The following PRKCH variants were observed in gnomAD, a reference collection of about 807,000 sequenced individuals.
PRKCH encodes the protein protein kinase C eta type.
A neutral mutation model predicts 82.5 loss-of-function variants in PRKCH; 28 were observed. That is an observed-to-expected ratio of 0.34 (90% CI 0.25 to 0.47). The LOEUF is 0.47. Ranked by LOEUF, PRKCH falls within the 20% of genes least tolerant of loss-of-function variation. The pLI, the probability that PRKCH is intolerant of heterozygous loss-of-function variation, is 1.00. For synonymous variants in PRKCH, 322 were observed against 327.4 expected (o/e 0.98, Z 0.18); for missense variants, 705 against 881.8 (o/e 0.80, Z 2.54).
chr14:61,226,458 G>A (rs1190124088), intron 1 of PRKCH, among the ~76,000 whole-genome samples: 1 of 152,152 alleles, frequency 6.6e-6, no homozygotes, highest in Non-Finnish European at 1.5e-5. Flanking sequence ...GTTGTGGGTC[G>A]ATTACATTAA....
intron 2 of PRKCH, among the ~76,000 whole-genome samples, chr14:61,437,182 G>A (rs557854742): frequency 6.6e-6 from 1 of 152,220 alleles, no homozygotes; most frequent in South Asian, 2.1e-4. Flanking sequence ...TTTATCACGC[G>A]TCCTAATCTC....
intron 2 of PRKCH, among the ~76,000 whole-genome samples, chr14:61,395,944 G>T (rs746458982): frequency 3.3e-5 from 5 of 152,052 alleles, no homozygotes; most frequent in African/African-American, 4.8e-5. Flanking sequence ...ACCAGGTGTG[G>T]TGGTGCACAC....
rs79674428 is a variant in PRKCH at position 61,419,180 on chromosome 14, C to A, written c.428-23931C>A. Among the ~76,000 whole-genome samples the A allele has an allele frequency of 9.3e-3, 1,411 of 152,318 alleles. 17 individuals carry two copies. Among genetic ancestry groups the A allele is most frequent in the African/African-American group, 0.032 (1,336 of 41,560 alleles). On this transcript the variant is annotated intron_variant, in intron 2 of 13. Transcript: ENST00000332981. ...ATTATAGGAATTTAAAAGCAAATGTCTGATGTGAAAATCTATGCTATTTTA... is the reference window on the plus strand; with the variant it reads ...ATTATAGGAATTTAAAAGCAAATGTATGATGTGAAAATCTATGCTATTTTA...
At chr14:61,228,052 A>T (rs1159539979) in intron 1 of PRKCH, among the ~76,000 whole-genome samples, 2 of 152,138 alleles carry the variant, frequency 1.3e-5, no homozygotes, top group Non-Finnish European at 2.9e-5. Flanking sequence ...ATCCATTTAC[A>T]TTGTCCCAAA....
At chr14:61,378,010 T>G (rs1014505048) in intron 1 of PRKCH, among the ~76,000 whole-genome samples, 10 of 152,208 alleles carry the variant, frequency 6.6e-5, no homozygotes, top group African/African-American at 1.9e-4. Flanking sequence ...CTCTTACTCC[T>G]GTATGGACAT....
chr14:61,242,632 A>C (rs921102026), intron 1 of PRKCH, among the ~76,000 whole-genome samples: 12 of 152,088 alleles, frequency 7.9e-5, no homozygotes, highest in African/African-American at 2.7e-4. Flanking sequence ...TCCTGACCTC[A>C]GGTGATCCCC....
chr14:61,459,463 G>C (rs1342969323), intron 9 of PRKCH, among the ~76,000 whole-genome samples: 1 of 152,210 alleles, frequency 6.6e-6, no homozygotes, highest in East Asian at 1.9e-4. Context: ...AGCATATCGA[G>C]GTTGAACAGG....
chr14:61,401,978 A>G (rs1375058598), intron 2 of PRKCH, among the ~76,000 whole-genome samples: 1 of 152,244 alleles, frequency 6.6e-6, no homozygotes, highest in African/African-American at 2.4e-5. Flanking sequence ...AGGGAAAACA[A>G]CTGTAAGTAT....
At chr14:61,327,210 G>A (rs1217745394) in intron 1 of PRKCH, 1 of 435,374 alleles carries the variant, frequency 2.3e-6, no homozygotes, top group South Asian at 1.6e-5. Context: ...GTCCTGTCAG[G>A]TGAAGCAGCC....
At chr14:61,490,683 G>A (rs1886415016) in intron 10 of PRKCH, among the ~76,000 whole-genome samples, 1 of 152,192 alleles carries the variant, frequency 6.6e-6, no homozygotes, top group African/African-American at 2.4e-5. Context: ...TGAGGCCAAG[G>A]TGGGCAGATC....
intron 10 of PRKCH, among the ~76,000 whole-genome samples, chr14:61,490,739 C>A (rs761762957): frequency 2.6e-5 from 4 of 152,086 alleles, no homozygotes; most frequent in Non-Finnish European, 5.9e-5. Flanking sequence ...CATAAGGAGA[C>A]CCTGTCTCTA....
chr14:61,515,782 C>T (rs912905673), intron 10 of PRKCH, among the ~76,000 whole-genome samples: 1 of 152,118 alleles, frequency 6.6e-6, no homozygotes, highest in Non-Finnish European at 1.5e-5. Context: ...ATTTACGAAG[C>T]TTGTTTTTAC....
At position 61,451,999 on chromosome 14, in the gene PRKCH, G is replaced by A. The variant is rs78151460; in HGVS notation, c.832+1028G>A. Among the ~76,000 whole-genome samples, 7 of 152,300 alleles carry A rather than the reference G, an allele frequency of 4.6e-5. No individual in the cohort carries two copies. The East Asian group carries it at 9.7e-4, about 21-fold the overall frequency. ...GGTCCAGGTGCAGCTTGATCTTAGC[G>A]TGACGGTCTCACCTGGGTATGGGTT... On this transcript the variant is annotated intron_variant, in intron 6 of 13. Coordinates refer to ENST00000332981, the MANE Select transcript of PRKCH (RefSeq NM_006255.5).
At chr14:61,512,495 C>T (rs59857866) in intron 10 of PRKCH, among the ~76,000 whole-genome samples, 4,252 of 152,182 alleles carry the variant, frequency 0.028, 216 homozygotes, top group East Asian at 0.26. Flanking sequence ...ATGGGAATTG[C>T]ATTCTTTGAT....
chr14:61,508,504 C>T (rs1959279), intron 10 of PRKCH, among the ~76,000 whole-genome samples: 115,034 of 152,034 alleles, frequency 0.76, 45,935 homozygotes, highest in Admixed American at 0.87. Flanking sequence ...AGACAGAGTC[C>T]TGATAGTTGG....
At chr14:61,424,742 A>T (rs1883022401) in intron 2 of PRKCH, among the ~76,000 whole-genome samples, 2 of 152,220 alleles carry the variant, frequency 1.3e-5, no homozygotes, top group African/African-American at 4.8e-5. Flanking sequence ...GACAATGGGG[A>T]AAATGTTCCT....
At chr14:61,293,913 T>C (rs1290903533) in intron 1 of PRKCH, among the ~76,000 whole-genome samples, 4 of 152,160 alleles carry the variant, frequency 2.6e-5, no homozygotes, top group Non-Finnish European at 1.5e-5. Context: ...TATGTTTATA[T>C]TGAGTTTTAT....
At chr14:61,353,412 A>G in intron 1 of PRKCH, 1 of 152,214 alleles carries the variant, frequency 6.6e-6, no homozygotes, top group East Asian at 1.9e-4. Context: ...ATATTAGGAC[A>G]ACTAAGACTT....
At chr14:61,437,722 C>T (rs907464410) in intron 2 of PRKCH, among the ~76,000 whole-genome samples, 2 of 152,156 alleles carry the variant, frequency 1.3e-5, no homozygotes, top group African/African-American at 2.4e-5. Flanking sequence ...CTAAATGTGT[C>T]TCGGGGTACA....
Sources: allele counts gnomAD v4.1 joint callset (sites outside exome capture counted in the v4.1 genomes callset), GRCh38; gene constraint gnomAD v4.1.1; transcripts MANE v1.5; gene names NCBI Gene and HGNC (gene_info 2026-07-23, HGNC 2026-07-21).